PTPRM: variants seen among roughly 807,000 people sequenced by gnomAD.
PTPRM encodes protein tyrosine phosphatase receptor type M.
Under a neutral mutation model 186.7 loss-of-function variants are expected in PTPRM, and 47 were observed. The observed-to-expected ratio is 0.25, with a 90% confidence interval of 0.20 to 0.32. The LOEUF is 0.32. Among genes scored for constraint, PTPRM ranks in the 10% least tolerant of loss-of-function variants. The probability of loss-of-function intolerance (pLI) is 1.00; values close to 1 mark genes in which losing one functional copy is unlikely to be tolerated. For synonymous variants in PTPRM, 668 were observed against 674.9 expected (o/e 0.99, Z 0.16); for missense variants, 1,494 against 1,865.0 (o/e 0.80, Z 3.66).
chr18:8,009,971 G>C (rs1050449238), intron 7 of PTPRM, among the ~76,000 whole-genome samples: 8 of 151,934 alleles, frequency 5.3e-5, no homozygotes, highest in African/African-American at 1.9e-4. Flanking sequence ...CCTACTAATA[G>C]TAAGGCACAA....
At chr18:7,849,854 C>T (rs1350455639) in intron 2 of PTPRM, among the ~76,000 whole-genome samples, 2 of 152,208 alleles carry the variant, frequency 1.3e-5, no homozygotes, top group East Asian at 3.8e-4. Context: ...ACATAACTAT[C>T]TTCCAAACAG....
intron 7 of PTPRM, among the ~76,000 whole-genome samples, chr18:8,021,492 G>A (rs2085232610): frequency 2.3e-5 from 2 of 87,370 alleles, no homozygotes; most frequent in Admixed American, 2.2e-4. Flanking sequence ...CGTGCATTAG[G>A]TATTTGTCCT....
intron 5 of PTPRM, among the ~76,000 whole-genome samples, chr18:7,946,463 A>T (rs1175348384): frequency 2.0e-5 from 3 of 152,102 alleles, no homozygotes; most frequent in Non-Finnish European, 4.4e-5. Flanking sequence ...AAAACCAGAG[A>T]TGTGGTTCTT....
chr18:8,231,082 A>G (rs1057079170), intron 14 of PTPRM, among the ~76,000 whole-genome samples: 5 of 152,182 alleles, frequency 3.3e-5, no homozygotes, highest in African/African-American at 9.6e-5. Context: ...TTACCTTTCC[A>G]TGAGTTTTGC....
At chr18:7,576,476 G>T (rs899881507) in intron 1 of PTPRM, among the ~76,000 whole-genome samples, 9 of 152,050 alleles carry the variant, frequency 5.9e-5, no homozygotes, top group Non-Finnish European at 1.2e-4. Context: ...GTGTTTTTTT[G>T]ATTTTTTTTT....
At chr18:7,805,517 A>G (rs949111125) in intron 2 of PTPRM, among the ~76,000 whole-genome samples, 2 of 152,216 alleles carry the variant, frequency 1.3e-5, no homozygotes, top group African/African-American at 4.8e-5. Context: ...AAGCGTTTTG[A>G]GAGTTGAGCT....
At chr18:8,247,718 A>ATAGACATC (rs2094490792) in intron 15 of PTPRM, 127 bp from the exon 16 acceptor site, 1 of 658,944 alleles carries the variant, frequency 1.5e-6, no homozygotes, top group Non-Finnish European at 2.7e-6. Context: ...TATTTCCCAC[A>ATAGACATC]TAGACATCAG....
chr18:8,219,143 A>G (rs1343248225), intron 14 of PTPRM, among the ~76,000 whole-genome samples: 2 of 152,226 alleles, frequency 1.3e-5, no homozygotes, highest in Non-Finnish European at 2.9e-5. Context: ...TGCTCTGTTA[A>G]TGGAAAAACT....
chr18:8,330,009 C>G (rs1010622173), intron 22 of PTPRM, among the ~76,000 whole-genome samples: 1 of 152,050 alleles, frequency 6.6e-6, no homozygotes, highest in Non-Finnish European at 1.5e-5. Context: ...TGCTATGTTG[C>G]TCAGGCTGGT....
chr18:8,245,516 C>T (rs2094469689), intron 15 of PTPRM, among the ~76,000 whole-genome samples: 1 of 152,126 alleles, frequency 6.6e-6, no homozygotes, highest in South Asian at 2.1e-4. Context: ...ATAGAGTTCT[C>T]TCTGCTTTTT....
intron 32 of PTPRM, among the ~76,000 whole-genome samples, chr18:8,395,511 T>C (rs764725320): frequency 5.3e-5 from 8 of 152,216 alleles, no homozygotes; most frequent in Non-Finnish European, 1.0e-4. Context: ...TAGTGACCAA[T>C]GACAACGAGC....
In PTPRM at chr18:7,685,122, C is replaced by T. The variant is rs148436245; in HGVS notation, c.74-89027C>T. On this transcript the variant is annotated intron_variant, in intron 1 of 32. Coordinates refer to ENST00000580170, the MANE Select transcript of PTPRM (RefSeq NM_001105244.2). ...CAGGAGTGGCACATCATCATAGTCA[C>T]GAGTTCTACAGGATGTGGGATCTGG... 5.8e-3 allele frequency among the ~76,000 whole-genome samples: 890 copies of T among 152,264 alleles called. 5 individuals carry two copies. The highest frequency in any genetic ancestry group is 8.4e-3 in the Non-Finnish European group (574 of 68,030).
intron 14 of PTPRM, among the ~76,000 whole-genome samples, chr18:8,216,680 T>TG (rs2094090446): frequency 6.6e-6 from 1 of 152,264 alleles, no homozygotes; most frequent in African/African-American, 2.4e-5. Context: ...ACTGTTGACA[T>TG]ACTCTCTCTG....
At chr18:8,248,018 T>C in intron 16 of PTPRM, 99 bp downstream of exon 16, 2 of 1,349,806 alleles carry the variant, frequency 1.5e-6, no homozygotes, top group South Asian at 2.4e-5. Context: ...GGGCTTACTG[T>C]GTTTGAGATG....
intron 1 of PTPRM, among the ~76,000 whole-genome samples, chr18:7,583,921 G>A (rs1208340161): frequency 6.6e-6 from 1 of 152,148 alleles, no homozygotes; most frequent in African/African-American, 2.4e-5. Context: ...CTAGGAGACT[G>A]ATGTTAATCA....
chr18:7,810,799 G>T (rs1457096677), intron 2 of PTPRM, among the ~76,000 whole-genome samples: 2 of 152,098 alleles, frequency 1.3e-5, no homozygotes, highest in East Asian at 1.9e-4. Context: ...CAACTAGAGG[G>T]TTATTCTCCA....
intron 2 of PTPRM, among the ~76,000 whole-genome samples, chr18:7,783,574 T>C (rs2042954755): frequency 6.6e-6 from 1 of 152,036 alleles, no homozygotes; most frequent in Non-Finnish European, 1.5e-5. Flanking sequence ...TTATTTTATT[T>C]ATTTATTTGT....
intron 2 of PTPRM, among the ~76,000 whole-genome samples, chr18:7,847,848 T>C (rs529727354): frequency 1.3e-5 from 2 of 152,318 alleles, no homozygotes; most frequent in Admixed American, 1.3e-4. Flanking sequence ...CTTGTCTTGA[T>C]TGATGAGCTG....
chr18:7,945,814 G>T (rs1210924271), intron 5 of PTPRM, among the ~76,000 whole-genome samples: 2 of 151,956 alleles, frequency 1.3e-5, no homozygotes, highest in Admixed American at 1.3e-4. Flanking sequence ...ACTGAATATT[G>T]GTTGAACGAA....
Sources: allele counts gnomAD v4.1 joint callset (sites outside exome capture counted in the v4.1 genomes callset), GRCh38; gene constraint gnomAD v4.1.1; transcripts MANE v1.5; gene names NCBI Gene and HGNC (gene_info 2026-07-23, HGNC 2026-07-21).